Variants in DENND2B observed in about 807,000 individuals in gnomAD.
DENND2B encodes DENN domain-containing protein 2B.
In DENND2B, 32 loss-of-function variants were observed where a neutral mutation model predicts 116.0. The ratio of observed to expected loss-of-function variants is 0.28; its 90% CI spans 0.21 to 0.37. The LOEUF (loss-of-function observed/expected upper bound fraction) is 0.37. DENND2B is among the 10% of genes least tolerant of loss of function. The probability of loss-of-function intolerance (pLI) is 1.00; values close to 1 mark genes in which losing one functional copy is unlikely to be tolerated. For missense variants in DENND2B, 1,276 were observed against 1,477.7 expected, an observed-to-expected ratio of 0.86 and a Z score of 2.24; for synonymous variants, 588 against 583.9, an observed-to-expected ratio of 1.01 and a Z score of -0.10.
At chr11:8,830,389 G>A (rs1594146915) in intron 4 of DENND2B, among the ~76,000 whole-genome samples, 1 of 152,174 alleles carries the variant, frequency 6.6e-6, no homozygotes, top group Non-Finnish European at 1.5e-5. Context: ...AACTATAAAT[G>A]TATCCATGGT....
rs760866773 is a variant in DENND2B, at chr11:8,707,938, G to A, written c.2353-84C>T. ...TTTCTGGCTCCTTTTCCTTGGGAAC[G>A]GAGGAGTAAGGACTGCCCTTCTAGT... On this transcript the variant is annotated intron_variant, in intron 11 of 19. Coordinates refer to ENST00000313726, the MANE Select transcript of DENND2B (RefSeq NM_213618.2). This position sits in a 1 kb window ranked among gnomAD's most constrained non-coding sequence, Gnocchi z 4.8. 1.6e-5 allele frequency: 24 copies of A among 1,545,892 alleles called. No homozygotes were observed. Among genetic ancestry groups the A allele is most frequent in the African/African-American group, 1.2e-4 (9 of 73,458 alleles).
chr11:8,797,949 T>C (rs1414897863), intron 1 of DENND2B, among the ~76,000 whole-genome samples: 1 of 152,190 alleles, frequency 6.6e-6, no homozygotes, highest in Non-Finnish European at 1.5e-5. Flanking sequence ...TTGACAGCTG[T>C]TCCCTTTTCC....
chr11:8,790,142 C>T lies in DENND2B; in HGVS notation c.-26+20375G>A, dbSNP rs114952164. ...GTCTTTGTGCATGCAAATCCTTCTA[C>T]CTGGAATGCCCCTCCCTGCCCTGTC... is the stretch of plus-strand genomic sequence containing the variant. On this transcript the variant is annotated intron_variant, in intron 1 of 19. Transcript: ENST00000313726. 8.1e-3 allele frequency among the ~76,000 whole-genome samples: 1,227 copies of T among 152,270 alleles called. 14 individuals carry two copies. Among genetic ancestry groups the T allele is most frequent in the African/African-American group, 0.027 (1,117 of 41,548 alleles).
intron 1 of DENND2B, chr11:8,794,674 G>A (rs1200703528): frequency 1.3e-5 from 2 of 152,292 alleles, no homozygotes; most frequent in Non-Finnish European, 2.9e-5. Flanking sequence ...ATTGACTAAT[G>A]CAAGTGTCTC....
At chr11:8,741,500 C>G (rs746986456) in intron 2 of DENND2B, among the ~76,000 whole-genome samples, 4 of 152,186 alleles carry the variant, frequency 2.6e-5, no homozygotes, top group Non-Finnish European at 4.4e-5. Flanking sequence ...TAGACAAAGC[C>G]AAGAGGGAGG....
At chr11:8,853,892 A>G (rs2063100290) in intron 3 of DENND2B, among the ~76,000 whole-genome samples, 1 of 152,040 alleles carries the variant, frequency 6.6e-6, no homozygotes, top group East Asian at 1.9e-4. Context: ...TCTGTCGCTC[A>G]GGCTCAAGTG....
intron 4 of DENND2B, among the ~76,000 whole-genome samples, chr11:8,815,727 T>C (rs1199034783): frequency 2.0e-5 from 3 of 152,248 alleles, no homozygotes; most frequent in Admixed American, 1.3e-4. Flanking sequence ...AGCGTTGATA[T>C]CACTTTATCA....
Position 8,775,378 on chromosome 11 carries a change from G to A in DENND2B, c.-25-24653C>T, listed in dbSNP as rs1473602314. On this transcript the variant is annotated intron_variant, in intron 1 of 19. Transcript: ENST00000313726. ...AATTTACTGTCCAAATAAGGGAGCA[G>A]TCAGTGCTAGAACAGTCAGGCTGTT... Among the ~76,000 whole-genome samples, 3 of 152,222 alleles carry A rather than the reference G, an allele frequency of 2.0e-5. 1 individual carries two copies. The highest frequency in any genetic ancestry group is 7.2e-5 in the African/African-American group (3 of 41,450).
chr11:8,695,473 G>A lies in DENND2B; in HGVS notation c.3369C>T (p.Leu1123=). The change falls in exon 19 of 20, where the codon CTC becomes CTT. Residue 1123 remains leucine (L), a synonymous_variant. Transcript: ENST00000313726. The part of the protein sequence containing the change: ...DTEQSGMNKF[L]RGLGNKMKFL... ...AACAAGGCCACTTACCCAAACCTCG[G>A]AGAAACTTATTCATTCCACTCTGCT... 1 of 1,613,752 alleles carries A rather than the reference G, an allele frequency of 6.2e-7. No homozygotes were observed. Among genetic ancestry groups the A allele is most frequent in the Non-Finnish European group, 8.5e-7 (1 of 1,179,990 alleles).
At chr11:8,794,175 G>A (rs1593788194) in intron 1 of DENND2B, among the ~76,000 whole-genome samples, 1 of 152,154 alleles carries the variant, frequency 6.6e-6, no homozygotes, top group Non-Finnish European at 1.5e-5. Context: ...CCAGATAGAC[G>A]GTTTGATGCC....
chr11:8,714,617 T>G lies in DENND2B; in HGVS notation c.1935A>C (p.Ser645=). ...KLSMSSIETA[S]LRDENSESES... ...TCTGGCACCAAAGCCTACCTCTCAG[T>G]GATGCTGTTTCAATGCTGGACATAG... is the stretch of plus-strand genomic sequence containing the variant. The change falls in exon 7 of 20, where the codon TCA becomes TCC. Residue 645 remains serine (S), a synonymous_variant. Transcript: ENST00000313726. The G allele has an allele frequency of 6.2e-7, 1 of 1,613,914 alleles. No individual in the cohort carries two copies.
intron 1 of DENND2B, among the ~76,000 whole-genome samples, chr11:8,772,599 G>A (rs2057079957): frequency 6.6e-6 from 1 of 152,160 alleles, no homozygotes; most frequent in African/African-American, 2.4e-5. Flanking sequence ...TAGAGTGAGT[G>A]TGAGAGTGTG....
rs759354726 is a variant in DENND2B, at chr11:8,730,416, G to A, written c.874C>T (p.Leu292=). 2 of 1,608,204 alleles carry A rather than the reference G, an allele frequency of 1.2e-6. No homozygotes were observed. Among genetic ancestry groups the A allele is most frequent in the South Asian group, 1.1e-5 (1 of 91,084 alleles). ...AGCCCCCGGCCCGGCTGCTCCTTCAGGACCTGTTCAATTTTCTGGATCCGG... is the reference window on the plus strand; with the variant it reads ...AGCCCCCGGCCCGGCTGCTCCTTCAAGACCTGTTCAATTTTCTGGATCCGG... ...LSRIQKIEQV[L]KEQPGRGLPQ... The change falls in exon 3 of 20, where the codon CTG becomes TTG. Residue 292 remains leucine, a synonymous_variant. Transcript: ENST00000313726. The surrounding 1 kb of genome is among the most constrained non-coding windows in gnomAD (Gnocchi z 4.1).
intron 1 of DENND2B, among the ~76,000 whole-genome samples, chr11:8,777,916 T>C (rs1321965261): frequency 6.6e-6 from 1 of 152,238 alleles, no homozygotes; most frequent in African/African-American, 2.4e-5. Context: ...TTGCTTTTTA[T>C]AGCATGAACT....
At chr11:8,700,068 G>GC (rs1367610168) in intron 14 of DENND2B, 2 of 452,234 alleles carry the variant, frequency 4.4e-6, no homozygotes, top group Admixed American at 2.4e-5. Context: ...CTGGCCTGGG[G>GC]GGGGGCAGGG....
chr11:8,910,560 C>T (rs910251706), intron 1 of DENND2B, among the ~76,000 whole-genome samples: 4 of 150,010 alleles, frequency 2.7e-5, no homozygotes, highest in African/African-American at 7.3e-5. Flanking sequence ...ACTCCTCCTA[C>T]TGTGTGTGTG....
chr11:8,718,463 T>A, intron 4 of DENND2B: 1 of 1,500,446 alleles, frequency 6.7e-7, no homozygotes. Flanking sequence ...TAGGGCAGGG[T>A]TTTGTGTTGT....
intron 1 of DENND2B, among the ~76,000 whole-genome samples, chr11:8,793,538 A>G (rs1352080379): frequency 6.6e-6 from 1 of 152,268 alleles, no homozygotes. Flanking sequence ...TCACAGCTGA[A>G]GAATAGTCCA....
intron 2 of DENND2B, among the ~76,000 whole-genome samples, chr11:8,869,806 T>C (rs1279599562): frequency 6.6e-6 from 1 of 152,198 alleles, no homozygotes. Context: ...AGGCTCTTCT[T>C]GAGTTCTGGC....
Sources: gnomAD v4.1 joint callset for allele counts (sites outside exome capture counted in the v4.1 genomes callset) on GRCh38, gnomAD v4.1.1 for gene constraint, Gnocchi (gnomAD v3.1) non-coding constraint, MANE v1.5 for transcripts, NCBI Gene and HGNC (gene_info 2026-07-23, HGNC 2026-07-21) for gene names.